Variants in MSRB3 observed in about 807,000 individuals in gnomAD.
MSRB3 encodes methionine-R-sulfoxide reductase B3.
MSRB3 carries 13 observed loss-of-function variants against 21.0 expected under a neutral mutation model. The observed-to-expected ratio is 0.62, with a 90% confidence interval of 0.40 to 0.98. MSRB3 has a LOEUF of 0.98. MSRB3 is among the 50% of genes least tolerant of loss of function. MSRB3 has a pLI of 0.00. For synonymous variants in MSRB3, 87 were observed against 88.6 expected, an observed-to-expected ratio of 0.98 and a Z score of 0.10; for missense variants, 199 against 230.3, an observed-to-expected ratio of 0.86 and a Z score of 0.88.
intron 4 of MSRB3, 75 bp from the exon 5 acceptor site, chr12:65,368,923 A>ACC (rs57910895): frequency 4.3e-5 from 9 of 209,854 alleles, no homozygotes; most frequent in African/African-American, 9.2e-5. Flanking sequence ...TCCCAACCAC[A>ACC]CCCCCCCCCC....
At chr12:65,306,310 T>A (rs540943624) in intron 1 of MSRB3, among the ~76,000 whole-genome samples, 1 of 152,364 alleles carries the variant, frequency 6.6e-6, no homozygotes, top group South Asian at 2.1e-4. Context: ...ATATTAACTA[T>A]GATTCTTTTG....
At chr12:65,432,830 G>A (rs766263665) in intron 5 of MSRB3, among the ~76,000 whole-genome samples, 13 of 151,824 alleles carry the variant, frequency 8.6e-5, no homozygotes, top group Non-Finnish European at 1.6e-4. Flanking sequence ...TTTATGCAGT[G>A]GAAAAGGTCT....
At chr12:65,461,143 G>A (rs189388281) in intron 6 of MSRB3, among the ~76,000 whole-genome samples, 56 of 152,254 alleles carry the variant, frequency 3.7e-4, no homozygotes, top group Admixed American at 6.5e-4. Context: ...TGATCCAAGT[G>A]CTGGAGCTGC....
At chr12:65,358,311 G>T (rs1171766486) in intron 4 of MSRB3, among the ~76,000 whole-genome samples, 1 of 151,548 alleles carries the variant, frequency 6.6e-6, no homozygotes, top group Non-Finnish European at 1.5e-5. Flanking sequence ...ATAGAGAAGG[G>T]GGTCTCGCTA....
At chr12:65,422,046 C>G in intron 5 of MSRB3, among the ~76,000 whole-genome samples, 1 of 151,936 alleles carries the variant, frequency 6.6e-6, no homozygotes, top group African/African-American at 2.4e-5. Context: ...ACCTACCAAG[C>G]AAATGGAAAT....
rs1054998850 is a variant in MSRB3 at position 65,385,556 on chromosome 12, A to C, written c.292+16530A>C. On this transcript the variant is annotated intron_variant, in intron 5 of 6. Coordinates refer to ENST00000308259, the MANE Select transcript of MSRB3 (RefSeq NM_001031679.3). The stretch of plus-strand genomic sequence containing the variant: ...CCTTCTCTTAATTATATCTGCTTTT[A>C]ATTTTCATTATTTCTAAATTTAAAC... 5.1e-4 allele frequency among the ~76,000 whole-genome samples: 78 copies of C among 152,120 alleles called. 1 individual carries two copies. The highest frequency in any genetic ancestry group is 1.8e-3 in the African/African-American group (73 of 41,566).
At chr12:65,292,135 G>A (rs115231867) in intron 1 of MSRB3, among the ~76,000 whole-genome samples, 254 of 152,260 alleles carry the variant, frequency 1.7e-3, no homozygotes, top group African/African-American at 5.8e-3. Context: ...CACTAATGGT[G>A]TTCATATCAT....
intron 4 of MSRB3, among the ~76,000 whole-genome samples, chr12:65,343,340 A>G (rs1876266918): frequency 6.6e-6 from 1 of 152,002 alleles, no homozygotes; most frequent in African/African-American, 2.4e-5. Context: ...AAAGGTAGCC[A>G]CCGGAAGCTT....
chr12:65,419,343 G>A (rs1209986880), intron 5 of MSRB3: 3 of 757,856 alleles, frequency 4.0e-6, no homozygotes, highest in Non-Finnish European at 7.3e-6. Flanking sequence ...TGACAATCTG[G>A]GCTTGTAGGC....
At chr12:65,379,233 C>T (rs2136554542) in intron 5 of MSRB3, among the ~76,000 whole-genome samples, 1 of 152,208 alleles carries the variant, frequency 6.6e-6, no homozygotes, top group Non-Finnish European at 1.5e-5. Context: ...CATCCACCAT[C>T]TACCCATCCA....
At chr12:65,430,992 C>T (rs1335826644) in intron 5 of MSRB3, among the ~76,000 whole-genome samples, 1 of 152,036 alleles carries the variant, frequency 6.6e-6, no homozygotes, top group African/African-American at 2.4e-5. Flanking sequence ...TTAAAATTTG[C>T]CTACATAACA....
chr12:65,445,428 G>T (rs1293297981), intron 5 of MSRB3, among the ~76,000 whole-genome samples: 6 of 149,104 alleles, frequency 4.0e-5, no homozygotes, highest in African/African-American at 1.5e-4. Flanking sequence ...TATCTAGAAT[G>T]CCCCTGGCAG....
intron 5 of MSRB3, among the ~76,000 whole-genome samples, chr12:65,425,002 CTA>C (rs751004575): frequency 2.6e-3 from 1 of 378 alleles, no homozygotes; most frequent in Non-Finnish European, 5.1e-3. Context: ...TCAATATTTG[CTA>C]TATATATATA....
chr12:65,280,208 T>A (rs909902832), intron 1 of MSRB3, among the ~76,000 whole-genome samples: 5 of 152,218 alleles, frequency 3.3e-5, no homozygotes, highest in African/African-American at 1.2e-4. Flanking sequence ...CAATTTGCAA[T>A]TTGTAAATAG....
intron 1 of MSRB3, chr12:65,284,363 A>C (rs1219620562): frequency 6.6e-6 from 1 of 152,284 alleles, no homozygotes; most frequent in Non-Finnish European, 1.5e-5. Context: ...GCGGCACCGC[A>C]GTAGAAGTGT....
chr12:65,283,625 G>T (rs929584856), intron 1 of MSRB3: 1 of 152,114 alleles, frequency 6.6e-6, no homozygotes, highest in Admixed American at 6.6e-5. Flanking sequence ...TAGAGATGGG[G>T]TTTCACCATG....
intron 4 of MSRB3, among the ~76,000 whole-genome samples, chr12:65,355,674 A>T (rs1033552719): frequency 6.6e-6 from 1 of 151,876 alleles, no homozygotes; most frequent in Non-Finnish European, 1.5e-5. Context: ...TGGCAGTCGC[A>T]TGACTCATAG....
At chr12:65,370,225 T>C (rs1878241993) in intron 5 of MSRB3, among the ~76,000 whole-genome samples, 1 of 152,230 alleles carries the variant, frequency 6.6e-6, no homozygotes, top group Admixed American at 6.5e-5. Flanking sequence ...TGTCAACTGT[T>C]TGACTCCTTG....
intron 5 of MSRB3, among the ~76,000 whole-genome samples, chr12:65,447,853 A>C (rs114597743): frequency 0.019 from 2,820 of 152,330 alleles, 93 homozygotes; most frequent in African/African-American, 0.065. Context: ...CATATGCTTG[A>C]AATGTTTGTC....
Sources: gnomAD v4.1 joint callset for allele counts (sites outside exome capture counted in the v4.1 genomes callset) on GRCh38, gnomAD v4.1.1 for gene constraint, MANE v1.5 for transcripts, NCBI Gene and HGNC (gene_info 2026-07-23, HGNC 2026-07-21) for gene names.